The following DLGAP2 variants were observed in gnomAD, a reference collection of about 807,000 sequenced individuals.
DLGAP2 encodes DLG associated protein 2.
In DLGAP2, 26 loss-of-function variants were observed where a neutral mutation model predicts 100.3. The ratio of observed to expected loss-of-function variants is 0.26; its 90% confidence interval spans 0.19 to 0.36. The LOEUF (loss-of-function observed/expected upper bound fraction) is 0.36, where lower values mean the gene tolerates loss of function less well. DLGAP2 is among the 10% of genes least tolerant of loss of function. The pLI, the probability that DLGAP2 is intolerant of heterozygous loss-of-function variation, is 1.00. For missense variants in DLGAP2, 1,858 were observed against 1,453.2 expected (o/e 1.28, Z -4.53); for synonymous variants, 886 against 630.1 (o/e 1.41, Z -6.08).
chr8:755,704 C>T (rs1820902209), intron 1 of DLGAP2, among the ~76,000 whole-genome samples: 1 of 152,246 alleles, frequency 6.6e-6, no homozygotes, highest in African/African-American at 2.4e-5. Flanking sequence ...TAGCGGCTGG[C>T]ATGGCTAGGG....
At chr8:1,200,701 A>G (rs778744703) in intron 2 of DLGAP2, among the ~76,000 whole-genome samples, 6 of 151,550 alleles carry the variant, frequency 4.0e-5, no homozygotes, top group Non-Finnish European at 8.8e-5. Context: ...CAAAGGTTGG[A>G]TCTTATTTAG....
intron 3 of DLGAP2, among the ~76,000 whole-genome samples, chr8:1,272,154 A>G (rs866773148): frequency 6.6e-6 from 1 of 152,248 alleles, no homozygotes; most frequent in Non-Finnish European, 1.5e-5. Context: ...TCAAATAAAA[A>G]ATAAGAAAGT....
intron 3 of DLGAP2, among the ~76,000 whole-genome samples, chr8:1,437,708 C>G (rs1332757905): frequency 6.7e-6 from 1 of 150,166 alleles, no homozygotes; most frequent in East Asian, 2.0e-4. Context: ...TGGCTCATGC[C>G]TGTAATCCCA....
chr8:871,369 AT>A (rs2128991635), intron 1 of DLGAP2, among the ~76,000 whole-genome samples: 1 of 152,244 alleles, frequency 6.6e-6, no homozygotes, highest in South Asian at 2.1e-4. Flanking sequence ...TTACTTTTGT[AT>A]TTTGCTGTTC....
chr8:1,200,665 CAG>C (rs925034079), intron 2 of DLGAP2, among the ~76,000 whole-genome samples: 2 of 152,184 alleles, frequency 1.3e-5, no homozygotes, highest in Admixed American at 6.5e-5. Flanking sequence ...GACAAAGCCT[CAG>C]GGGAGCGCAC....
intron 1 of DLGAP2, among the ~76,000 whole-genome samples, chr8:784,289 C>A (rs1026230439): frequency 2.6e-5 from 4 of 152,184 alleles, no homozygotes; most frequent in Non-Finnish European, 5.9e-5. Context: ...CATCTAGAAT[C>A]TTTCTCACAG....
chr8:1,690,012 C>T (rs1210775082), intron 12 of DLGAP2, among the ~76,000 whole-genome samples: 1 of 152,160 alleles, frequency 6.6e-6, no homozygotes, highest in African/African-American at 2.4e-5. Flanking sequence ...GAGCTAGGAT[C>T]TACCAAAGCA....
chr8:1,454,902 A>T (rs1301465546), intron 3 of DLGAP2, among the ~76,000 whole-genome samples: 2 of 152,128 alleles, frequency 1.3e-5, no homozygotes. Context: ...AGACAGGATG[A>T]CCTGATGGCC....
At chr8:811,120 G>T (rs1488925129) in intron 1 of DLGAP2, among the ~76,000 whole-genome samples, 1 of 152,230 alleles carries the variant, frequency 6.6e-6, no homozygotes, top group Non-Finnish European at 1.5e-5. Flanking sequence ...GCCTGGTGCA[G>T]CCTGGGTGTG....
At chr8:1,618,001 C>T (rs1051072888) in intron 6 of DLGAP2, among the ~76,000 whole-genome samples, 1 of 152,156 alleles carries the variant, frequency 6.6e-6, no homozygotes, top group Non-Finnish European at 1.5e-5. Context: ...AAAATGTCAA[C>T]ATTAAGGGTG....
At chr8:908,035 A>G (rs1422993805) in intron 2 of DLGAP2, 69 bp downstream of exon 2, 2 of 398,464 alleles carry the variant, frequency 5.0e-6, no homozygotes, top group Non-Finnish European at 8.9e-6. Context: ...GAGAAATGTG[A>G]TTACCTAATT....
chr8:1,671,624 A>C (rs868548480), intron 10 of DLGAP2, among the ~76,000 whole-genome samples: 34 of 152,312 alleles, frequency 2.2e-4, no homozygotes, highest in African/African-American at 7.7e-4. Flanking sequence ...GATTCTCATT[A>C]TAATTACTGG....
At chr8:1,464,299 T>TA (rs1798552560) in intron 3 of DLGAP2, among the ~76,000 whole-genome samples, 1 of 25,632 alleles carries the variant, frequency 3.9e-5, no homozygotes. Context: ...CCTTCCAGGA[T>TA]GGCACCCTTC....
intron 1 of DLGAP2, among the ~76,000 whole-genome samples, chr8:744,165 C>T (rs1035977359): frequency 2.6e-5 from 4 of 152,192 alleles, no homozygotes; most frequent in African/African-American, 4.8e-5. Flanking sequence ...TCATCTTGTG[C>T]GTTGGGAAGA....
At chr8:1,119,098 T>C (rs1795972267) in intron 2 of DLGAP2, among the ~76,000 whole-genome samples, 2 of 152,246 alleles carry the variant, frequency 1.3e-5, no homozygotes, top group South Asian at 4.1e-4. Context: ...CTATTTTCAA[T>C]TGATAAGTGA....
chr8:1,506,495 G>A (rs115989186), intron 4 of DLGAP2, among the ~76,000 whole-genome samples: 3,565 of 152,218 alleles, frequency 0.023, 171 homozygotes, highest in African/African-American at 0.081. Flanking sequence ...AGATCTTCGC[G>A]GTGAGTGTTG....
At chr8:1,609,970 A>G (rs1796941614) in intron 6 of DLGAP2, among the ~76,000 whole-genome samples, 1 of 151,556 alleles carries the variant, frequency 6.6e-6, no homozygotes, top group Non-Finnish European at 1.5e-5. Context: ...TCAACATTAG[A>G]CAGATCAACG....
chr8:1,072,486 T>A (rs1803464849), intron 2 of DLGAP2, among the ~76,000 whole-genome samples: 1 of 152,192 alleles, frequency 6.6e-6, no homozygotes, highest in Non-Finnish European at 1.5e-5. Context: ...ATTCACGTTA[T>A]CTTGGAGAAC....
chr8:1,225,629 C>G (rs925649892), intron 2 of DLGAP2, among the ~76,000 whole-genome samples: 1 of 152,210 alleles, frequency 6.6e-6, no homozygotes, highest in African/African-American at 2.4e-5. Flanking sequence ...ATCATGAACA[C>G]TTTTAAGCCA....
Sources: allele counts gnomAD v4.1 joint callset (sites outside exome capture counted in the v4.1 genomes callset), GRCh38; gene constraint gnomAD v4.1.1; transcripts MANE v1.5; gene names NCBI Gene and HGNC (gene_info 2026-07-23, HGNC 2026-07-21).